Variants in LSR observed in about 807,000 individuals in gnomAD.
LSR encodes the protein lipolysis stimulated lipoprotein receptor, also known as lipolysis-stimulated lipoprotein receptor.
LSR carries 44 observed loss-of-function variants against 61.8 expected under a neutral mutation model. The ratio of observed to expected loss-of-function variants is 0.71; its 90% CI spans 0.56 to 0.91. The LOEUF is 0.91. Ranked by LOEUF, LSR falls within the 40% of genes least tolerant of loss-of-function variation. LSR has a pLI of 0.00. For missense variants in LSR, 911 were observed against 830.5 expected (o/e 1.10, Z -1.19); for synonymous variants, 397 against 350.6 (o/e 1.13, Z -1.48).
At position 35,250,371 on chromosome 19, in the gene LSR, T is replaced by C; in HGVS notation, c.166T>C (p.Phe56Leu). ...VSNPYHVVIL[F>L]QPVTLPCTYQ... Reference sequence around the variant, plus strand: ...CAACCCCTACCACGTGGTGATCCTCTTCCAGCCTGTGACCCTGCCCTGTAC... The same window carrying C: ...CAACCCCTACCACGTGGTGATCCTCCTCCAGCCTGTGACCCTGCCCTGTAC... Residue 56 changes from phenylalanine (F) to leucine (L), a missense_variant, in exon 2 of 10, where the codon TTC (phenylalanine) becomes CTC (leucine). Physicochemically the swap from Phe to Leu is conservative, Grantham distance 22. Transcript: ENST00000605618. 4 of 1,595,972 alleles carry C rather than the reference T, an allele frequency of 2.5e-6. No homozygotes were observed. The South Asian group carries it at 4.5e-5, about 18-fold the overall frequency.
At chr19:35,254,552 G>A (rs2065833930) in intron 2 of LSR, among the ~76,000 whole-genome samples, 1 of 152,168 alleles carries the variant, frequency 6.6e-6, no homozygotes, top group Admixed American at 6.5e-5. Context: ...ACCTCCTCGG[G>A]CTCCTTGGGG....
At position 35,267,517 on chromosome 19, in the gene LSR, C is replaced by T. The variant is rs145256151; in HGVS notation, c.1553C>T (p.Ser518Phe). Residue 518 changes from serine to phenylalanine, a missense_variant, in exon 9 of 10, where the codon TCC (serine) becomes TTC (phenylalanine). Ser to Phe is a radical substitution (Grantham distance 155). Coordinates refer to ENST00000605618, the MANE Select transcript of LSR (RefSeq NM_205834.4). ...SRERPPADPR[S>F]HHHRTRDPRD... ...GAGCGCCCTCCTGCCGACCCCAGGT[C>T]CCACCACCACCGTACCCGGGACCCT... is the stretch of plus-strand genomic sequence containing the variant. The T allele has an allele frequency of 8.7e-6, 14 of 1,611,786 alleles. No homozygotes were observed. Among genetic ancestry groups the T allele is most frequent in the Non-Finnish European group, 1.1e-5 (13 of 1,179,764 alleles).
Position 35,250,664 on chromosome 19 carries a change from GT to G in LSR, c.454+7del. On this transcript the variant is annotated splice_donor_region_variant and intron_variant, in intron 2 of 9. Transcript: ENST00000605618. ...GGAGGATTACCATCACCGGAAGTAT[GT>G]TGGGCAGGGCAGGGGGATGAGGCTG... The G allele has an allele frequency of 6.5e-7, 1 of 1,547,524 alleles. No individual in the cohort carries two copies. The highest frequency in any genetic ancestry group is 8.8e-7 in the Non-Finnish European group (1 of 1,139,554).
intron 4 of LSR, among the ~76,000 whole-genome samples, 177 bp from the exon 5 acceptor site, chr19:35,262,369 G>A (rs1421293369): frequency 6.6e-6 from 1 of 152,178 alleles, no homozygotes; most frequent in Non-Finnish European, 1.5e-5. Flanking sequence ...GGTAGAATGG[G>A]GAGTGTGCTG....
At position 35,249,043 on chromosome 19, in the gene LSR, G is replaced by A; in HGVS notation, c.21G>A (p.Gly7=). MALLAG[G]LSRGLGSHPA... is the part of the protein sequence containing the mutation. ...CCGCGATGGCGCTGTTGGCCGGCGGGCTCTCCAGAGGGCTGGGCTCCCACC... is the reference window on the plus strand; with the variant it reads ...CCGCGATGGCGCTGTTGGCCGGCGGACTCTCCAGAGGGCTGGGCTCCCACC... Residue 7 remains glycine (G), a synonymous_variant, in exon 1 of 10, where the codon GGG becomes GGA. Coordinates refer to ENST00000605618, the MANE Select transcript of LSR (RefSeq NM_205834.4). 1 of 1,590,678 alleles carries A rather than the reference G, an allele frequency of 6.3e-7. No individual in the cohort carries two copies. Among genetic ancestry groups the A allele is most frequent in the Non-Finnish European group, 8.6e-7 (1 of 1,169,368 alleles).
Position 35,261,904 on chromosome 19 carries a change from GTT to G in LSR, c.575-19_575-18del. On this transcript the variant is annotated intron_variant, in intron 3 of 9. Coordinates refer to ENST00000605618, the MANE Select transcript of LSR (RefSeq NM_205834.4). ...GGGCTGGCTCTGGCCAGCATAATCT[GTT>G]TCTCTTTTGTCCCTCCAGGGAGGAC... 1 of 1,439,802 alleles carries G rather than the reference GTT, an allele frequency of 6.9e-7. No homozygotes were observed. Among genetic ancestry groups the G allele is most frequent in the East Asian group, 2.8e-5 (1 of 36,288 alleles). 89.2% of individuals were successfully genotyped at this position (1,439,802 alleles called of 1,614,324 possible). A position where few individuals can be genotyped will look rare whatever the true frequency, so the allele number is the denominator to read the frequency against.
chr19:35,260,853 C>G (rs183414818), intron 3 of LSR, among the ~76,000 whole-genome samples: 1 of 152,026 alleles, frequency 6.6e-6, no homozygotes, highest in East Asian at 1.9e-4. Context: ...CACACACACA[C>G]ACGCATATAG....
chr19:35,266,498 A>G lies in LSR; in HGVS notation c.918A>G (p.Gly306=). The G allele has an allele frequency of 1.2e-6, 2 of 1,610,976 alleles. No individual in the cohort carries two copies. The highest frequency in any genetic ancestry group is 1.7e-6 in the Non-Finnish European group (2 of 1,178,180). ...PMGPAYNGYP[G]GYPGDVDRSS... is the part of the protein sequence containing the mutation. ...GCCCTGCCTACAACGGGTACCCTGG[A>G]GGATACCCTGGAGACGTTGACAGGA... is the stretch of plus-strand genomic sequence containing the variant. Residue 306 remains glycine, a synonymous_variant, in exon 6 of 10, where the codon GGA becomes GGG. Coordinates refer to ENST00000605618, the MANE Select transcript of LSR (RefSeq NM_205834.4).
chr19:35,259,839 TGAAAC>T (rs1245548660), intron 3 of LSR, among the ~76,000 whole-genome samples: 2 of 152,214 alleles, frequency 1.3e-5, no homozygotes, highest in African/African-American at 4.8e-5. Context: ...TGAGTGCAGC[TGAAAC>T]GAAGCCGATT....
rs906735364 is a variant in LSR, at chr19:35,254,238, T to C, written c.454+3579T>C. On this transcript the variant is annotated intron_variant, in intron 2 of 9. Transcript: ENST00000605618. ...CCTCCTGAGTAGCTGGGATTACAGG[T>C]GCACACCACCACACCTGGCTAATTT... Among the ~76,000 whole-genome samples, 7 of 152,192 alleles carry C rather than the reference T, an allele frequency of 4.6e-5. 1 individual carries two copies. Among genetic ancestry groups the C allele is most frequent in the African/African-American group, 1.7e-4 (7 of 41,544 alleles).
chr19:35,254,230 A>G (rs774234986), intron 2 of LSR, among the ~76,000 whole-genome samples: 1 of 152,076 alleles, frequency 6.6e-6, no homozygotes, highest in Non-Finnish European at 1.5e-5. Context: ...AGTAGCTGGG[A>G]TTACAGGTGC....
At position 35,267,211 on chromosome 19, in the gene LSR, C is replaced by G. The variant is rs754650586; in HGVS notation, c.1247C>G (p.Ser416Cys). ...CGGGATGAGGAGTGGGGTGGCCACTCCCCCCGGAGTCCCAGGGGATGGGAC... is the reference window on the plus strand; with the variant it reads ...CGGGATGAGGAGTGGGGTGGCCACTGCCCCCGGAGTCCCAGGGGATGGGAC... ...PIRDEEWGGHSPRSPRGWDQE... is the reference protein window; with the variant it reads ...PIRDEEWGGHCPRSPRGWDQE... Residue 416 changes from serine to cysteine, a missense_variant, in exon 9 of 10, where the codon TCC becomes TGC. Ser to Cys is a moderately radical substitution (Grantham distance 112, BLOSUM62 -1). Coordinates refer to ENST00000605618, the MANE Select transcript of LSR (RefSeq NM_205834.4). 2 of 1,520,842 alleles carry G rather than the reference C, an allele frequency of 1.3e-6. No homozygotes were observed. The highest frequency in any genetic ancestry group is 2.2e-5 in the Admixed American group (1 of 45,092). The allele number at this position is 1,520,842 out of a possible 1,614,324, so 94.2% of individuals were successfully genotyped here.
Position 35,267,484 on chromosome 19 carries a change from G to A in LSR, c.1520G>A (p.Arg507Lys). 2 of 1,610,926 alleles carry A rather than the reference G, an allele frequency of 1.2e-6. No individual in the cohort carries two copies. The highest frequency in any genetic ancestry group is 1.7e-6 in the Non-Finnish European group (2 of 1,179,530). Residue 507 changes from arginine to lysine, a missense_variant, in exon 9 of 10, where the codon AGG (arginine) becomes AAG (lysine). Transcript: ENST00000605618. ...CGGGACCCCCACTACGACGACTTCA[G>A]GTCTCGGGAGCGCCCTCCTGCCGAC... ...RSRDPHYDDF[R>K]SRERPPADPR...
intron 2 of LSR, among the ~76,000 whole-genome samples, chr19:35,255,165 C>T (rs116395527): frequency 0.01 from 1,561 of 151,976 alleles, 22 homozygotes; most frequent in African/African-American, 0.036. Flanking sequence ...CAGTGAGACC[C>T]AGAGACTACA....
chr19:35,250,246 G>A, intron 1 of LSR, 69 bp from the exon 2 acceptor site: 3 of 1,019,512 alleles, frequency 2.9e-6, no homozygotes, highest in Non-Finnish European at 4.3e-6. Context: ...GCTGGTGACA[G>A]GTGGCGTTCC....
Position 35,266,733 on chromosome 19 carries a change from C to G in LSR, c.1007C>G (p.Ala336Gly). The G allele has an allele frequency of 6.2e-7, 1 of 1,608,996 alleles. No homozygotes were observed. The highest frequency in any genetic ancestry group is 8.5e-7 in the Non-Finnish European group (1 of 1,178,002). Residue 336 changes from alanine (A) to glycine (G), a missense_variant, in exon 7 of 10, where the codon GCC becomes GGC. Coordinates refer to ENST00000605618, the MANE Select transcript of LSR (RefSeq NM_205834.4). ...CTTCGGGACACGGACAGCAGTGTGG[C>G]CTCTGGTGAGAATCCATCGTCCCGA... ...PLLRDTDSSVASEVRSGYRIQ... is the reference protein window; with the variant it reads ...PLLRDTDSSVGSEVRSGYRIQ...
At chr19:35,266,241 C>T in intron 5 of LSR, 118 bp from the exon 6 acceptor site, 1 of 751,396 alleles carries the variant, frequency 1.3e-6, no homozygotes, top group Non-Finnish European at 2.2e-6. Flanking sequence ...GGAAGCTCTA[C>T]AGCGGAGAGG....
In LSR at chr19:35,266,695, C is replaced by T; in HGVS notation, c.969C>T (p.Ser323=). ...DRSSSAGGQG[S]YVPLLRDTDS... Reference sequence around the variant, plus strand: ...CTCCCCCAGCTGGTGGCCAAGGCTCCTATGTACCCCTGCTTCGGGACACGG... The same window carrying T: ...CTCCCCCAGCTGGTGGCCAAGGCTCTTATGTACCCCTGCTTCGGGACACGG... Residue 323 remains serine, a synonymous_variant, in exon 7 of 10, where the codon TCC becomes TCT. Coordinates refer to ENST00000605618, the MANE Select transcript of LSR (RefSeq NM_205834.4). 1 of 1,609,104 alleles carries T rather than the reference C, an allele frequency of 6.2e-7. No homozygotes were observed. Among genetic ancestry groups the T allele is most frequent in the South Asian group, 1.1e-5 (1 of 90,012 alleles).
chr19:35,267,759 C>T, intron 9 of LSR, 25 bp downstream of exon 9: 1 of 1,612,858 alleles, frequency 6.2e-7, no homozygotes, highest in Non-Finnish European at 8.5e-7. Context: ...CCCTGGCGTC[C>T]AGACCGTCCC....
Sources: allele counts gnomAD v4.1 joint callset (sites outside exome capture counted in the v4.1 genomes callset), GRCh38; gene constraint gnomAD v4.1.1; transcripts MANE v1.5; gene names NCBI Gene and HGNC (gene_info 2026-07-23, HGNC 2026-07-21).